CAMTA1: variants seen among roughly 807,000 people sequenced by gnomAD.
CAMTA1 encodes the protein calmodulin binding transcription activator 1, also known as calmodulin-binding transcription activator 1.
CAMTA1 carries 27 observed loss-of-function variants against 170.9 expected under a neutral mutation model. The observed-to-expected ratio is 0.16, with a 90% confidence interval of 0.12 to 0.22. The LOEUF (loss-of-function observed/expected upper bound fraction) is 0.22. CAMTA1 is among the 10% of genes least tolerant of loss of function. The pLI is 1.00. For synonymous variants in CAMTA1, 833 were observed against 891.5 expected (o/e 0.93, Z 1.17); for missense variants, 1,619 against 2,217.2 (o/e 0.73, Z 5.42).
At position 7,586,291 on chromosome 1, in the gene CAMTA1, A is replaced by C. The variant is rs190339590; in HGVS notation, c.511-54109A>C. Among the ~76,000 whole-genome samples, 265 of 152,250 alleles carry C rather than the reference A, an allele frequency of 1.7e-3. 4 individuals are homozygous for C. Among genetic ancestry groups the C allele is most frequent in the African/African-American group, 6.2e-3 (256 of 41,496 alleles). On this transcript the variant is annotated intron_variant, in intron 6 of 22. Coordinates refer to ENST00000303635, the MANE Select transcript of CAMTA1 (RefSeq NM_015215.4). ...TGGCTGTGGACGCACTCTGAAGACG[A>C]AAGTCCAGAAATTAGGGAAATGTCC... is the stretch of plus-strand genomic sequence containing the variant.
chr1:7,570,124 G>C lies in CAMTA1; in HGVS notation c.511-70276G>C, dbSNP rs751867733. On this transcript the variant is annotated intron_variant, in intron 6 of 22. Coordinates refer to ENST00000303635, the MANE Select transcript of CAMTA1 (RefSeq NM_015215.4). The surrounding 1 kb of genome is among the most constrained non-coding windows in gnomAD (Gnocchi z 4.3). ...TTGCTTAATTCTACCGAGACCTTGGGTGGGAGATCAGGGATCCCTTGCTGG... is the reference window on the plus strand; with the variant it reads ...TTGCTTAATTCTACCGAGACCTTGGCTGGGAGATCAGGGATCCCTTGCTGG... 6.6e-6 allele frequency among the ~76,000 whole-genome samples: 1 copy of C among 152,066 alleles called. No homozygotes were observed. The highest frequency in any genetic ancestry group is 1.5e-5 in the Non-Finnish European group (1 of 68,010).
At chr1:7,721,092 T>C (rs923667999) in intron 11 of CAMTA1, among the ~76,000 whole-genome samples, 2 of 152,312 alleles carry the variant, frequency 1.3e-5, no homozygotes, top group African/African-American at 4.8e-5. Flanking sequence ...TTCTGAATGG[T>C]GCTAGGGATA....
At chr1:7,327,092 G>A (rs1042691199) in intron 5 of CAMTA1, among the ~76,000 whole-genome samples, 33 of 152,138 alleles carry the variant, frequency 2.2e-4, no homozygotes, top group African/African-American at 7.2e-4. Flanking sequence ...GGATAGGCGG[G>A]GGGGAAAGTC....
rs916367851 is a variant in CAMTA1 at position 7,041,026 on chromosome 1, C to T, written c.235-50278C>T. Among the ~76,000 whole-genome samples, 2 of 152,212 alleles carry T rather than the reference C, an allele frequency of 1.3e-5. No homozygotes were observed. Among genetic ancestry groups the T allele is most frequent in the African/African-American group, 2.4e-5 (1 of 41,460 alleles). The stretch of plus-strand genomic sequence containing the variant: ...CATGAGCCATGGTGCCTGGCCCTCC[C>T]TCTGTTTTTTAAGACAGGTGCGTGT... On this transcript the variant is annotated intron_variant, in intron 3 of 22. Coordinates refer to ENST00000303635, the MANE Select transcript of CAMTA1 (RefSeq NM_015215.4). The surrounding 1 kb of genome is among the most constrained non-coding windows in gnomAD (Gnocchi z 5.1).
At chr1:7,660,010 T>C (rs1390183922) in intron 7 of CAMTA1, among the ~76,000 whole-genome samples, 1 of 152,204 alleles carries the variant, frequency 6.6e-6, no homozygotes, top group Non-Finnish European at 1.5e-5. Context: ...ATCAGCACTT[T>C]GGGAGGCCAT....
At chr1:7,198,495 G>C (rs767558657) in intron 4 of CAMTA1, among the ~76,000 whole-genome samples, 3 of 152,076 alleles carry the variant, frequency 2.0e-5, no homozygotes, top group Non-Finnish European at 4.4e-5. Context: ...TGTCAGGAAT[G>C]TGTCCCTTCC....
rs555241490 is a variant in CAMTA1, at chr1:7,536,497, G to A, written c.510+68596G>A. Reference sequence around the variant, plus strand: ...GTGACCATTGGGTGTCCTTAAACAGGCAGCTGGAGATCCCAGAATTTGGAT... The same window carrying A: ...GTGACCATTGGGTGTCCTTAAACAGACAGCTGGAGATCCCAGAATTTGGAT... On this transcript the variant is annotated intron_variant, in intron 6 of 22. Coordinates refer to ENST00000303635, the MANE Select transcript of CAMTA1 (RefSeq NM_015215.4). Among the ~76,000 whole-genome samples the A allele has an allele frequency of 1.2e-3, 190 of 152,304 alleles. 1 individual carries two copies. Among genetic ancestry groups the A allele is most frequent in the South Asian group, 4.6e-3 (22 of 4,826 alleles).
chr1:7,180,171 A>G (rs1008373724), intron 4 of CAMTA1, among the ~76,000 whole-genome samples: 4 of 152,094 alleles, frequency 2.6e-5, no homozygotes, highest in African/African-American at 9.7e-5. Flanking sequence ...GTTCGAGATC[A>G]GCGTGGCCAA....
chr1:7,356,116 G>A (rs1354459721), intron 5 of CAMTA1, among the ~76,000 whole-genome samples: 2 of 152,220 alleles, frequency 1.3e-5, no homozygotes, highest in African/African-American at 4.8e-5. Context: ...GGGTTTGGGA[G>A]GGAGGCATGG....
intron 3 of CAMTA1, among the ~76,000 whole-genome samples, chr1:7,074,355 C>G (rs138183855): frequency 6.8e-4 from 104 of 152,234 alleles, no homozygotes; most frequent in Non-Finnish European, 1.2e-3. Context: ...CTTTGAGTTA[C>G]TGTCTTTGAA....
In CAMTA1 at chr1:7,520,561, A is replaced by G. The variant is rs539219590; in HGVS notation, c.510+52660A>G. On this transcript the variant is annotated intron_variant, in intron 6 of 22. Coordinates refer to ENST00000303635, the MANE Select transcript of CAMTA1 (RefSeq NM_015215.4). ...GAGTGGGAGTGTCTCTCCCACAGAG[A>G]GGGAAGAGCACATGGGCACCCGTCA... Among the ~76,000 whole-genome samples the G allele has an allele frequency of 6.1e-4, 93 of 151,374 alleles. 1 individual carries two copies. Among genetic ancestry groups the G allele is most frequent in the African/African-American group, 2.0e-3 (84 of 41,294 alleles).
intron 6 of CAMTA1, among the ~76,000 whole-genome samples, chr1:7,572,156 A>G (rs1014743168): frequency 6.6e-6 from 1 of 152,126 alleles, no homozygotes; most frequent in African/African-American, 2.4e-5. Flanking sequence ...GTGTTTGTTC[A>G]TGTCCTTTTG....
At chr1:7,655,095 CACACACCTAT>C in intron 7 of CAMTA1, among the ~76,000 whole-genome samples, 1 of 18,398 alleles carries the variant, frequency 5.4e-5, no homozygotes, top group South Asian at 4.7e-3. Context: ...CACCTATACA[CACACACCTAT>C]ACACACACCT....
At chr1:7,088,257 C>T (rs1641004315) in intron 3 of CAMTA1, among the ~76,000 whole-genome samples, 2 of 152,140 alleles carry the variant, frequency 1.3e-5, no homozygotes, top group South Asian at 4.1e-4. Flanking sequence ...GCAAAATTTA[C>T]CTTTGGGGTG....
chr1:7,345,371 G>T (rs2084151653), intron 5 of CAMTA1, among the ~76,000 whole-genome samples: 1 of 151,752 alleles, frequency 6.6e-6, no homozygotes, highest in Non-Finnish European at 1.5e-5. Flanking sequence ...TTGAAATCTG[G>T]ATCTATCTGG....
In CAMTA1 at chr1:7,570,845, G is replaced by A. The variant is rs776085703; in HGVS notation, c.511-69555G>A. Among the ~76,000 whole-genome samples the A allele has an allele frequency of 6.6e-5, 10 of 152,208 alleles. No individual in the cohort carries two copies. The highest frequency in any genetic ancestry group is 2.1e-4 in the South Asian group (1 of 4,828). ...TACGGAGACTGGAGAGAGCCTGGGA[G>A]TCAGAATCCAAGCCTGGCCTCCCCC... On this transcript the variant is annotated intron_variant, in intron 6 of 22. Transcript: ENST00000303635. This position sits in a 1 kb window ranked among gnomAD's most constrained non-coding sequence, Gnocchi z 4.3.
intron 5 of CAMTA1, 57 bp from the exon 6 acceptor site, chr1:7,467,769 TCTTC>T (rs953075212): frequency 2.9e-4 from 407 of 1,384,044 alleles, no homozygotes; most frequent in Middle Eastern, 3.6e-4. Context: ...TGTTGCGCCG[TCTTC>T]CTTCCTTCCT....
chr1:7,662,428 G>A (rs530549094), intron 8 of CAMTA1, among the ~76,000 whole-genome samples: 9 of 152,116 alleles, frequency 5.9e-5, no homozygotes, highest in Non-Finnish European at 1.0e-4. Flanking sequence ...TTAGAGGGTC[G>A]TGTCACTTCT....
chr1:7,738,197 A>G lies in CAMTA1; in HGVS notation c.3897A>G (p.Glu1299=). 6.2e-7 allele frequency: 1 copy of G among 1,613,000 alleles called. No homozygotes were observed. ...AAGGAGTGAGGGACTTCAGCCGGGA[A>G]CTCTCCCCTCCCACTCCAGAGACTG... ...PSEGVRDFSR[E]LSPPTPETAA... is the part of the protein sequence containing the mutation. The change falls in exon 16 of 23, where the codon GAA becomes GAG. Residue 1299 remains glutamate, a synonymous_variant. Transcript: ENST00000303635. The surrounding 1 kb of genome is among the most constrained non-coding windows in gnomAD (Gnocchi z 4.9).
Sources: gnomAD v4.1 joint callset for allele counts (sites outside exome capture counted in the v4.1 genomes callset) on GRCh38, gnomAD v4.1.1 for gene constraint, Gnocchi (gnomAD v3.1) non-coding constraint, MANE v1.5 for transcripts, NCBI Gene and HGNC (gene_info 2026-07-23, HGNC 2026-07-21) for gene names.